The following ARHGEF10L variants were observed in gnomAD, a reference collection of about 807,000 sequenced individuals.
The protein encoded by ARHGEF10L is rho guanine nucleotide exchange factor 10-like protein.
ARHGEF10L carries 69 observed loss-of-function variants against 141.2 expected under a neutral mutation model. The observed-to-expected ratio is 0.49, with a 90% CI of 0.40 to 0.60. The LOEUF (loss-of-function observed/expected upper bound fraction) is 0.60, where lower values mean the gene tolerates loss of function less well. ARHGEF10L is among the 20% of genes least tolerant of loss of function. ARHGEF10L has a pLI of 0.00. For synonymous variants in ARHGEF10L, 711 were observed against 718.5 expected (o/e 0.99, Z 0.17); for missense variants, 1,482 against 1,734.3 (o/e 0.85, Z 2.58).
In ARHGEF10L at chr1:17,656,703, C is replaced by A. The variant is rs1361376870; in HGVS notation, c.2855C>A (p.Thr952Asn). Residue 952 changes from threonine to asparagine, a missense_variant, in exon 25 of 29, where the codon ACC becomes AAC. Transcript: ENST00000361221. The surrounding 1 kb of genome is among the most constrained non-coding windows in gnomAD (Gnocchi z 4.9). ...QDGTLAAYPR[T>N]SGGVLWDLES... is the part of the protein sequence containing the mutation. ...GGGACCCTTGCTGCTTACCCTCGGA[C>A]CAGCGGTGAGGACTGGGGGGAATGG... 1 of 1,612,332 alleles carries A rather than the reference C, an allele frequency of 6.2e-7. No individual in the cohort carries two copies. The highest frequency in any genetic ancestry group is 1.7e-5 in the Admixed American group (1 of 59,998).
chr1:17,629,505 C>T (rs1309523461), intron 15 of ARHGEF10L, among the ~76,000 whole-genome samples: 2 of 152,184 alleles, frequency 1.3e-5, no homozygotes, highest in East Asian at 1.9e-4. Flanking sequence ...GGTTCCTACC[C>T]ACCTTTCCCA....
At chr1:17,692,465 A>T (rs2065176150) in intron 27 of ARHGEF10L, among the ~76,000 whole-genome samples, 1 of 152,080 alleles carries the variant, frequency 6.6e-6, no homozygotes, top group Non-Finnish European at 1.5e-5. Flanking sequence ...TGGCACTGCT[A>T]TGCACCCAGC....
At chr1:17,622,698 C>G (rs970502939) in intron 11 of ARHGEF10L, among the ~76,000 whole-genome samples, 2 of 152,184 alleles carry the variant, frequency 1.3e-5, no homozygotes, top group Admixed American at 1.3e-4. Context: ...CAGTGACAGG[C>G]AGAGCTTCGC....
chr1:17,616,071 T>A (rs199681083), intron 8 of ARHGEF10L, 23 bp from the exon 9 acceptor site: 1 of 1,606,600 alleles, frequency 6.2e-7, no homozygotes, highest in Non-Finnish European at 8.5e-7. Context: ...CCTTCCCTGA[T>A]GAGCCTCTCT....
intron 27 of ARHGEF10L, among the ~76,000 whole-genome samples, chr1:17,688,522 G>T (rs1236773007): frequency 6.6e-6 from 1 of 152,256 alleles, no homozygotes; most frequent in African/African-American, 2.4e-5. Flanking sequence ...AGACTGACCT[G>T]CGGCCAGTGT....
intron 2 of ARHGEF10L, among the ~76,000 whole-genome samples, chr1:17,587,035 G>A (rs553174793): frequency 1.2e-4 from 19 of 152,308 alleles, no homozygotes; most frequent in Non-Finnish European, 2.5e-4. Context: ...AGTGTAGTGG[G>A]AAGGATGCGC....
At chr1:17,608,141 C>T (rs1362848980) in intron 7 of ARHGEF10L, among the ~76,000 whole-genome samples, 164 bp downstream of exon 7, 4 of 152,154 alleles carry the variant, frequency 2.6e-5, no homozygotes, top group Admixed American at 2.0e-4. Flanking sequence ...AAGCCCAGGT[C>T]ATCCCGAAAC....
chr1:17,676,708 C>A (rs1357956815), intron 26 of ARHGEF10L, among the ~76,000 whole-genome samples: 1 of 151,948 alleles, frequency 6.6e-6, no homozygotes, highest in Non-Finnish European at 1.5e-5. Context: ...AAAGTCAAGG[C>A]CCCCCAGGCT....
intron 28 of ARHGEF10L, among the ~76,000 whole-genome samples, chr1:17,695,963 G>A (rs560324139): frequency 4.8e-4 from 73 of 152,220 alleles, no homozygotes; most frequent in Non-Finnish European, 9.4e-4. Context: ...TTGGGAGGCC[G>A]AGGTGGGTGG....
At chr1:17,580,735 A>C in intron 2 of ARHGEF10L, 103 bp downstream of exon 2, 3 of 1,406,396 alleles carry the variant, frequency 2.1e-6, no homozygotes, top group Non-Finnish European at 2.0e-6. Flanking sequence ...GCCGGGTGGG[A>C]AGTCTGCTCT....
At chr1:17,618,285 T>G in intron 9 of ARHGEF10L, 18 of 949,302 alleles carry the variant, frequency 1.9e-5, no homozygotes, top group Non-Finnish European at 2.2e-5. Context: ...GCCCAGCGCC[T>G]TCCTGAAGTG....
Position 17,634,983 on chromosome 1 carries a change from G to C in ARHGEF10L, c.1894G>C (p.Ala632Pro), listed in dbSNP as rs187517339. 1 of 1,614,066 alleles carries C rather than the reference G, an allele frequency of 6.2e-7. No homozygotes were observed. Among genetic ancestry groups the C allele is most frequent in the South Asian group, 1.1e-5 (1 of 91,080 alleles). The change falls in exon 18 of 29, where the codon GCC (alanine) becomes CCC (proline). Residue 632 changes from alanine to proline, a missense_variant. Ala to Pro is a conservative substitution (Grantham distance 27). This residue lies in a region of ARHGEF10L where 858 missense variants were observed against 966.3 expected (regional missense o/e 0.89). Transcript: ENST00000361221. Reference protein sequence around the residue: ...KDNVLIQHSGAKKASASGQAQ... With the variant: ...KDNVLIQHSGPKKASASGQAQ... ...CAATGTGCTCATCCAGCACTCAGGC[G>C]CCAAGAAGGCCTCTGCCTCAGGGCA...
At chr1:17,523,237 C>G in the ARHGEF10L span, among the ~76,000 whole-genome samples, 2 of 151,940 alleles carry the variant, frequency 1.3e-5, no homozygotes, top group South Asian at 2.1e-4. Context: ...AGGTGCCCAC[C>G]ACCACCACGC....
intron 4 of ARHGEF10L, among the ~76,000 whole-genome samples, chr1:17,592,687 C>T (rs542233124): frequency 8.5e-5 from 13 of 152,258 alleles, no homozygotes; most frequent in African/African-American, 2.6e-4. Flanking sequence ...GGGTCCGCAG[C>T]GTCTGGAGGA....
intron 22 of ARHGEF10L, among the ~76,000 whole-genome samples, chr1:17,649,033 G>A (rs2061758838): frequency 6.6e-6 from 1 of 152,238 alleles, no homozygotes; most frequent in South Asian, 2.1e-4. Flanking sequence ...GCGGGAGCCG[G>A]CTTTGGCGCA....
At chr1:17,668,371 G>A (rs948188045) in intron 26 of ARHGEF10L, among the ~76,000 whole-genome samples, 1 of 152,240 alleles carries the variant, frequency 6.6e-6, no homozygotes, top group African/African-American at 2.4e-5. Context: ...GCCAAGGGAA[G>A]GACAGGGGCC....
rs2060364316 is a variant in ARHGEF10L at position 17,625,995 on chromosome 1, G to A, written c.1357G>A (p.Gly453Arg). The change falls in exon 14 of 29, where the codon GGG becomes AGG. Residue 453 changes from glycine to arginine, a missense_variant. Around this residue, in one of 3 missense-constraint regions of ARHGEF10L, gnomAD observed 392 missense variants for 542.1 expected, o/e 0.72. Transcript: ENST00000361221. The surrounding 1 kb of genome is among the most constrained non-coding windows in gnomAD (Gnocchi z 4.5). ...VCSPDRVTLY[G>R]LMVKPIQRFP... ...CAGCCCAGACCGTGTCACCCTCTAC[G>A]GGCTGATGGTCAAGCCCATCCAGAG... The A allele has an allele frequency of 1.2e-6, 2 of 1,613,918 alleles. No individual in the cohort carries two copies. Among genetic ancestry groups the A allele is most frequent in the Non-Finnish European group, 1.7e-6 (2 of 1,179,894 alleles).
intron 17 of ARHGEF10L, 65 bp downstream of exon 17, chr1:17,634,627 AT>A: frequency 6.3e-7 from 1 of 1,594,450 alleles, no homozygotes; most frequent in African/African-American, 1.4e-5. Context: ...GTGCCATGTG[AT>A]TCTGGATATG....
At chr1:17,592,311 G>A (rs1570699061) in intron 4 of ARHGEF10L, among the ~76,000 whole-genome samples, 1 of 152,274 alleles carries the variant, frequency 6.6e-6, no homozygotes, top group East Asian at 1.9e-4. Context: ...GCACTTTTCT[G>A]TGGGTCAGGG....
Sources: allele counts gnomAD v4.1 joint callset (sites outside exome capture counted in the v4.1 genomes callset), GRCh38; gene constraint gnomAD v4.1.1; regional missense constraint gnomAD v4.1.1; non-coding constraint Gnocchi (gnomAD v3.1); transcripts MANE v1.5; gene names NCBI Gene and HGNC (gene_info 2026-07-23, HGNC 2026-07-21).